The following CEP192 variants were observed in gnomAD, a reference collection of about 807,000 sequenced individuals.
The protein encoded by CEP192 is centrosomal protein 192.
CEP192 carries 151 observed loss-of-function variants against 271.8 expected under a neutral mutation model. The observed-to-expected ratio is 0.56, with a 90% CI of 0.49 to 0.64. The LOEUF (loss-of-function observed/expected upper bound fraction) is 0.64, where lower values mean the gene tolerates loss of function less well. Among genes scored for constraint, CEP192 ranks in the 30% least tolerant of loss-of-function variants. The pLI, the probability that CEP192 is intolerant of heterozygous loss-of-function variation, is 0.00. For missense variants in CEP192, 2,910 were observed against 3,020.5 expected (o/e 0.96, Z 0.86); for synonymous variants, 995 against 1,076.5 (o/e 0.92, Z 1.48).
At chr18:12,996,031 G>A (rs781781648) in intron 1 of CEP192, among the ~76,000 whole-genome samples, 39 of 152,174 alleles carry the variant, frequency 2.6e-4, no homozygotes, top group Non-Finnish European at 4.9e-4. Context: ...AATAAGATGG[G>A]GAACCAGTGG....
intron 12 of CEP192, 79 bp from the exon 13 acceptor site, chr18:13,038,291 T>G (rs1286673882): frequency 8.4e-7 from 1 of 1,183,662 alleles, no homozygotes; most frequent in Non-Finnish European, 1.2e-6. Context: ...TTGGTAAGAC[T>G]TTTTTAGTTT....
At chr18:13,018,345 C>T (rs150643802) in intron 7 of CEP192, 135 bp from the exon 8 acceptor site, 28 of 512,352 alleles carry the variant, frequency 5.5e-5, no homozygotes, top group Middle Eastern at 9.6e-4. Context: ...TGATTACTCT[C>T]GTGGTGACAA....
At chr18:13,050,464 T>G (rs947872718) in intron 17 of CEP192, among the ~76,000 whole-genome samples, 1 of 152,228 alleles carries the variant, frequency 6.6e-6, no homozygotes, top group Non-Finnish European at 1.5e-5. Context: ...GTTCAGCTAG[T>G]GCTCAATGTC....
In CEP192 at chr18:13,049,530, C is replaced by G. The variant is rs1375123191; in HGVS notation, c.2739C>G (p.Pro913=). 1 of 1,613,930 alleles carries G rather than the reference C, an allele frequency of 6.2e-7. No homozygotes were observed. Residue 913 remains proline, a synonymous_variant, in exon 16 of 45, where the codon CCC becomes CCG. Transcript: ENST00000506447. Reference sequence around the variant, plus strand: ...ATAGTTATTCATCAGTGAGGAACCCCAGAATAACATCCCTTTGTCTGTTAA... The same window carrying G: ...ATAGTTATTCATCAGTGAGGAACCCGAGAATAACATCCCTTTGTCTGTTAA... ...PSDSYSSVRN[P]RITSLCLLKD...
intron 13 of CEP192, among the ~76,000 whole-genome samples, chr18:13,040,601 G>A (rs1026578404): frequency 9.9e-5 from 15 of 152,200 alleles, no homozygotes; most frequent in African/African-American, 3.1e-4. Flanking sequence ...TCTTAGTAAG[G>A]GCAATTTATT....
intron 2 of CEP192, among the ~76,000 whole-genome samples, chr18:13,000,719 C>T (rs1040719770): frequency 2.6e-5 from 4 of 152,230 alleles, no homozygotes; most frequent in African/African-American, 9.6e-5. Flanking sequence ...CTTTGGGAGG[C>T]CAAGGCGGGC....
At chr18:13,033,610 C>G (rs996691584) in intron 11 of CEP192, among the ~76,000 whole-genome samples, 32 of 152,176 alleles carry the variant, frequency 2.1e-4, no homozygotes, top group African/African-American at 7.5e-4. Context: ...GGTGTATGTG[C>G]AGGCTCATTA....
At chr18:13,081,415 A>G (rs1271485644) in intron 30 of CEP192, among the ~76,000 whole-genome samples, 1 of 152,084 alleles carries the variant, frequency 6.6e-6, no homozygotes, top group Non-Finnish European at 1.5e-5. Context: ...TTTCTAGTTT[A>G]TTTGTGTAGA....
At chr18:13,007,348 G>A (rs950573345) in intron 3 of CEP192, among the ~76,000 whole-genome samples, 3 of 152,272 alleles carry the variant, frequency 2.0e-5, no homozygotes, top group South Asian at 2.1e-4. Context: ...GATAGCTGTC[G>A]TTTTGAGGAA....
intron 21 of CEP192, among the ~76,000 whole-genome samples, chr18:13,060,776 C>T (rs558983912): frequency 1.3e-5 from 2 of 151,930 alleles, no homozygotes; most frequent in Non-Finnish European, 2.9e-5. Context: ...TTTTAAAAAT[C>T]AGCTGGGTGT....
At chr18:13,090,417 A>G (rs914488010) in intron 33 of CEP192, among the ~76,000 whole-genome samples, 1 of 152,244 alleles carries the variant, frequency 6.6e-6, no homozygotes, top group Non-Finnish European at 1.5e-5. Flanking sequence ...TTACAGGCAT[A>G]TACACACCAA....
In CEP192 at chr18:13,056,591, A is replaced by G. The variant is rs760151022; in HGVS notation, c.4001A>G (p.Asn1334Ser). ...GTSSLCNPYS[N>S]TLNQNLLSTT... ...TCTTCCCTCTGTAACCCATATTCTA[A>G]TACCTTAAATCAGAACCTGCTAAGC... Residue 1334 changes from asparagine (N) to serine (S), a missense_variant, in exon 19 of 45, where the codon AAT (asparagine) becomes AGT (serine). By Grantham distance (46) the Asn-to-Ser change is conservative (BLOSUM62 1). Coordinates refer to ENST00000506447, the MANE Select transcript of CEP192 (RefSeq NM_032142.4). 2 of 1,614,070 alleles carry G rather than the reference A, an allele frequency of 1.2e-6. No homozygotes were observed. The highest frequency in any genetic ancestry group is 1.3e-5 in the African/African-American group (1 of 74,926).
intron 21 of CEP192, among the ~76,000 whole-genome samples, chr18:13,060,181 G>A (rs60281669): frequency 0.14 from 20,810 of 152,146 alleles, 1,570 homozygotes; most frequent in East Asian, 0.31. Context: ...CCTTCTGCAC[G>A]CCTAGACCTT....
Position 13,056,012 on chromosome 18 carries a change from C to T in CEP192, c.3422C>T (p.Ser1141Phe). The change falls in exon 19 of 45, where the codon TCC becomes TTC. Residue 1141 changes from serine (S) to phenylalanine (F), a missense_variant. By Grantham distance (155) the Ser-to-Phe change is radical. Coordinates refer to ENST00000506447, the MANE Select transcript of CEP192 (RefSeq NM_032142.4). ...KPDFRWSKDP[S>F]SKSGNLLETS... ...GACTTTAGATGGAGTAAAGATCCTT[C>T]CTCCAAAAGTGGAAATCTGTTGGAA... The T allele has an allele frequency of 5.0e-6, 8 of 1,614,190 alleles. No individual in the cohort carries two copies. Among genetic ancestry groups the T allele is most frequent in the Non-Finnish European group, 6.8e-6 (8 of 1,180,024 alleles).
chr18:13,020,443 T>C (rs1599089794), intron 9 of CEP192, among the ~76,000 whole-genome samples: 1 of 152,364 alleles, frequency 6.6e-6, no homozygotes, highest in Middle Eastern at 3.4e-3. Context: ...TAATGTTCTA[T>C]TATATATACC....
Position 13,008,578 on chromosome 18 carries a change from C to G in CEP192, c.413C>G (p.Ser138Cys), listed in dbSNP as rs114794290. Residue 138 changes from serine (S) to cysteine (C), a missense_variant, in exon 4 of 45, where the codon TCC becomes TGC. Coordinates refer to ENST00000506447, the MANE Select transcript of CEP192 (RefSeq NM_032142.4). ...GAGGAGCCAGCCGGAGCTACAGAATCCTTGCAGGGCCAAGATCTCTTCAAC... is the reference window on the plus strand; with the variant it reads ...GAGGAGCCAGCCGGAGCTACAGAATGCTTGCAGGGCCAAGATCTCTTCAAC... ...PEEEPAGATESLQGQDLFNRA... is the reference protein window; with the variant it reads ...PEEEPAGATECLQGQDLFNRA... 3,318 of 1,551,634 alleles carry G rather than the reference C, an allele frequency of 2.1e-3. 69 individuals carry two copies. In the East Asian group the frequency reaches 0.045, roughly 21 times the overall value.
intron 9 of CEP192, among the ~76,000 whole-genome samples, chr18:13,021,027 C>T (rs554143787): frequency 3.3e-5 from 5 of 152,194 alleles, no homozygotes; most frequent in South Asian, 4.2e-4. Context: ...TTGTCTTTTA[C>T]TTTCTTGATA....
At chr18:13,071,651 G>A (rs1225162197) in intron 28 of CEP192, among the ~76,000 whole-genome samples, 2 of 152,194 alleles carry the variant, frequency 1.3e-5, no homozygotes, top group African/African-American at 2.4e-5. Context: ...CGACCACACC[G>A]AATGGAGCAC....
At chr18:13,100,252 G>T in intron 37 of CEP192, 53 bp from the exon 38 acceptor site, 1 of 1,261,810 alleles carries the variant, frequency 7.9e-7, no homozygotes, top group Non-Finnish European at 1.2e-6. Flanking sequence ...GAATTGTTTC[G>T]TTTAAAGTGA....
Sources: gnomAD v4.1 joint callset for allele counts (sites outside exome capture counted in the v4.1 genomes callset) on GRCh38, gnomAD v4.1.1 for gene constraint, MANE v1.5 for transcripts, NCBI Gene and HGNC (gene_info 2026-07-23, HGNC 2026-07-21) for gene names.